The following TRMT13 variants were observed in gnomAD, a reference collection of about 807,000 sequenced individuals.
The protein encoded by TRMT13 is tRNA methyltransferase 13.
A neutral mutation model predicts 55.9 loss-of-function variants in TRMT13; 45 were observed. The ratio of observed to expected loss-of-function variants is 0.80; its 90% CI spans 0.63 to 1.03. TRMT13 has a LOEUF of 1.03. Ranked by LOEUF, TRMT13 falls within the 50% of genes least tolerant of loss-of-function variation. The pLI is 0.00. For synonymous variants in TRMT13, 183 were observed against 196.3 expected, an observed-to-expected ratio of 0.93 and a Z score of 0.57; for missense variants, 513 against 563.9, an observed-to-expected ratio of 0.91 and a Z score of 0.91.
At chr1:100,145,333 A>G (rs558335774) in intron 9 of TRMT13, among the ~76,000 whole-genome samples, 1 of 152,216 alleles carries the variant, frequency 6.6e-6, no homozygotes, top group Non-Finnish European at 1.5e-5. Context: ...AAAGTCTTCT[A>G]AAGTAAACCA....
chr1:100,141,478 C>T lies in TRMT13; in HGVS notation c.669+459C>T, dbSNP rs145631564. ...ATGAGTAGCTGGGACTATAGTCCCACGCCACCATGCCCAGGTAATTTTTTA... is the reference window on the plus strand; with the variant it reads ...ATGAGTAGCTGGGACTATAGTCCCATGCCACCATGCCCAGGTAATTTTTTA... On this transcript the variant is annotated intron_variant, in intron 7 of 10. Coordinates refer to ENST00000370141, the MANE Select transcript of TRMT13 (RefSeq NM_019083.3). Among the ~76,000 whole-genome samples the T allele has an allele frequency of 8.6e-3, 1,306 of 152,194 alleles. 12 individuals are homozygous for T. The highest frequency in any genetic ancestry group is 0.014 in the Non-Finnish European group (927 of 68,006).
In TRMT13 at chr1:100,136,195, A is replaced by G. The variant is rs145182642; in HGVS notation, c.148-687A>G. Among the ~76,000 whole-genome samples, 1,117 of 152,304 alleles carry G rather than the reference A, an allele frequency of 7.3e-3. 9 individuals carry two copies. The highest frequency in any genetic ancestry group is 0.026 in the African/African-American group (1,073 of 41,566). ...ATGTAACTGATAGTAAAAAGTTGCA[A>G]AGCCAGTAAAATATGGCACATCCAA... On this transcript the variant is annotated intron_variant, in intron 1 of 10. Transcript: ENST00000370141.
chr1:100,149,077 T>C lies in TRMT13; in HGVS notation c.*257T>C. The C allele has an allele frequency of 1.9e-6, 3 of 1,602,638 alleles. No individual in the cohort carries two copies. Among genetic ancestry groups the C allele is most frequent in the Non-Finnish European group, 2.6e-6 (3 of 1,176,232 alleles). ...GTATTTATGGAGATTGGTAAAGTAG[T>C]TGAACCGTTGACTTGGTGATCTGAA... On this transcript the variant is annotated 3_prime_UTR_variant, in exon 11 of 11. Transcript: ENST00000370141.
chr1:100,137,950 G>T (rs758730111), intron 3 of TRMT13, among the ~76,000 whole-genome samples: 7 of 152,170 alleles, frequency 4.6e-5, no homozygotes, highest in Non-Finnish European at 1.0e-4. Context: ...GGCTTTGTTT[G>T]CAAATATCTT....
rs1657707613 is a variant in TRMT13, at chr1:100,149,254, T to C, written c.*434T>C. 5 of 1,512,804 alleles carry C rather than the reference T, an allele frequency of 3.3e-6. No individual in the cohort carries two copies. 93.7% of individuals were successfully genotyped at this position (1,512,804 alleles called of 1,614,324 possible). A position where few individuals can be genotyped will look rare whatever the true frequency, so the allele number is the denominator to read the frequency against. ...CAAGGGCCAATCTGAGAATTTGACT[T>C]ATATGTGGACATTTTTCCCTACAGA... On this transcript the variant is annotated 3_prime_UTR_variant, in exon 11 of 11. Transcript: ENST00000370141.
In TRMT13 at chr1:100,140,401, G is replaced by T. The variant is rs777094627; in HGVS notation, c.395-7G>T. 4 of 1,608,934 alleles carry T rather than the reference G, an allele frequency of 2.5e-6. No homozygotes were observed. In the South Asian group the frequency reaches 4.4e-5, roughly 18 times the overall value. ...TGCTTAAGCTGTTGTGCTTATATTT[G>T]GCACAGGCTTGAATTCTACACTTAA... is the stretch of plus-strand genomic sequence containing the variant. On this transcript the variant is annotated splice_polypyrimidine_tract_variant and splice_region_variant and intron_variant, in intron 5 of 10. Coordinates refer to ENST00000370141, the MANE Select transcript of TRMT13 (RefSeq NM_019083.3).
chr1:100,148,243 G>C lies in TRMT13; in HGVS notation c.1167G>C (p.Arg389Ser), dbSNP rs1366550598. ...SLETSNSTTKRQDNQNDDSEE... is the reference protein window; with the variant it reads ...SLETSNSTTKSQDNQNDDSEE... ...AAACCTCAAATAGTACCACAAAGAG[G>C]CAAGATAATCAGAATGATGATAGTG... The change falls in exon 10 of 11, where the codon AGG becomes AGC. Residue 389 changes from arginine (R) to serine (S), a missense_variant. Around this residue, in one of 3 missense-constraint regions of TRMT13, gnomAD observed 209 missense variants for 255.8 expected, o/e 0.82. Transcript: ENST00000370141. 1 of 1,614,158 alleles carries C rather than the reference G, an allele frequency of 6.2e-7. No individual in the cohort carries two copies. The highest frequency in any genetic ancestry group is 1.3e-5 in the African/African-American group (1 of 75,042).
In TRMT13 at chr1:100,148,605, T is replaced by C. The variant is rs1258621274; in HGVS notation, c.1251-20T>C. 6.3e-7 allele frequency: 1 copy of C among 1,585,276 alleles called. No homozygotes were observed. Among genetic ancestry groups the C allele is most frequent in the Non-Finnish European group, 8.5e-7 (1 of 1,170,552 alleles). On this transcript the variant is annotated intron_variant, in intron 10 of 10. Transcript: ENST00000370141. The stretch of plus-strand genomic sequence containing the variant: ...TTTGCAAAATTTTAACAATGTTTTG[T>C]GTGTGTTTATTCAATTTAGGCTTCT...
rs765558656 is a variant in TRMT13, at chr1:100,144,162, A to G, written c.817+19A>G. 142 of 1,595,290 alleles carry G rather than the reference A, an allele frequency of 8.9e-5. 3 individuals are homozygous for G. The South Asian group carries it at 1.5e-3, about 17-fold the overall frequency. On this transcript the variant is annotated intron_variant, in intron 9 of 10. Transcript: ENST00000370141. ...GCAACAGGTACGTAAACATACTGATAATGTTTACATTAATGCATTAAGTTT... is the reference window on the plus strand; with the variant it reads ...GCAACAGGTACGTAAACATACTGATGATGTTTACATTAATGCATTAAGTTT...
Position 100,148,634 on chromosome 1 carries a change from T to C in TRMT13, c.1260T>C (p.Ser420=). Residue 420 remains serine, a synonymous_variant, in exon 11 of 11, where the codon AGT becomes AGC. Coordinates refer to ENST00000370141, the MANE Select transcript of TRMT13 (RefSeq NM_019083.3). ...TGTTTATTCAATTTAGGCTTCTTAGTGTTGAAGAAAAGAAGAAAATAGGGC... is the reference window on the plus strand; with the variant it reads ...TGTTTATTCAATTTAGGCTTCTTAGCGTTGAAGAAAAGAAGAAAATAGGGC... The part of the protein sequence containing the change: ...DGADCLPGLL[S]VEEKKKIGHL... The C allele has an allele frequency of 6.2e-7, 1 of 1,606,836 alleles. No homozygotes were observed. Among genetic ancestry groups the C allele is most frequent in the Non-Finnish European group, 8.5e-7 (1 of 1,178,120 alleles).
At chr1:100,134,939 G>A (rs1655611461) in intron 1 of TRMT13, among the ~76,000 whole-genome samples, 1 of 152,124 alleles carries the variant, frequency 6.6e-6, no homozygotes, top group Non-Finnish European at 1.5e-5. Context: ...TGGATGTTGT[G>A]TTTCCATCTT....
chr1:100,147,937 TG>T lies in TRMT13; in HGVS notation c.862del (p.Glu288ArgfsTer8). ...TGGTTGAAACCTATGCTGCCAGTTTTGAGGAAAGGAATGAAGAACCTTTAGC... is the reference window on the plus strand; with the variant it reads ...TGGTTGAAACCTATGCTGCCAGTTTTAGGAAAGGAATGAAGAACCTTTAGC... ...CLVETYAASFEERNEEPLAKR... is the reference protein window; with the variant it reads ...CLVETYAASFXERNEEPLAKR... On this transcript the variant is annotated frameshift_variant, in exon 10 of 11. Transcript: ENST00000370141. LOFTEE classifies it high-confidence loss of function. 1 of 1,611,860 alleles carries T rather than the reference TG, an allele frequency of 6.2e-7. No homozygotes were observed. The highest frequency in any genetic ancestry group is 8.5e-7 in the Non-Finnish European group (1 of 1,179,160).
Position 100,143,290 on chromosome 1 carries a change from G to A in TRMT13, c.742+81G>A. ...TGAGGTTGCTTAGAAATCCAATCATGCAGAACTGTGCTTCAGGGAAAACAG... is the reference window on the plus strand; with the variant it reads ...TGAGGTTGCTTAGAAATCCAATCATACAGAACTGTGCTTCAGGGAAAACAG... On this transcript the variant is annotated intron_variant, in intron 8 of 10. Transcript: ENST00000370141. The A allele has an allele frequency of 6.4e-6, 5 of 775,900 alleles. No homozygotes were observed. In the South Asian group the frequency reaches 9.2e-5, roughly 14 times the overall value. 48.1% of individuals were successfully genotyped at this position (775,900 alleles called of 1,614,324 possible).
intron 4 of TRMT13, 26 bp from the exon 5 acceptor site, chr1:100,140,156 T>C: frequency 6.5e-7 from 1 of 1,544,964 alleles, no homozygotes; most frequent in Non-Finnish European, 8.9e-7. Context: ...TTTGGCTACA[T>C]TATTTAGTTT....
intron 3 of TRMT13, among the ~76,000 whole-genome samples, chr1:100,138,805 T>C (rs1298757808): frequency 2.0e-5 from 3 of 152,242 alleles, no homozygotes; most frequent in Non-Finnish European, 4.4e-5. Flanking sequence ...AGTTTCTCAG[T>C]CACACTAGTC....
At chr1:100,138,631 A>G (rs1434053699) in intron 3 of TRMT13, among the ~76,000 whole-genome samples, 1 of 152,238 alleles carries the variant, frequency 6.6e-6, no homozygotes, top group Non-Finnish European at 1.5e-5. Flanking sequence ...AAGTCCATTT[A>G]CTACACATAA....
intron 9 of TRMT13, among the ~76,000 whole-genome samples, chr1:100,147,360 G>A (rs1352944034): frequency 6.6e-6 from 1 of 152,176 alleles, no homozygotes; most frequent in African/African-American, 2.4e-5. Context: ...TACTCAGTGA[G>A]GCCTGCTTTC....
chr1:100,137,931 G>C (rs1342602946), intron 3 of TRMT13, among the ~76,000 whole-genome samples: 7 of 152,204 alleles, frequency 4.6e-5, no homozygotes, highest in Admixed American at 4.6e-4. Flanking sequence ...AATAGAAAGA[G>C]AGAACATTGG....
intron 3 of TRMT13, among the ~76,000 whole-genome samples, chr1:100,139,159 T>C (rs684519): frequency 1.3e-5 from 2 of 152,096 alleles, no homozygotes; most frequent in East Asian, 1.9e-4. Context: ...TTAATTAATA[T>C]TTTAAAATAG....
Sources: allele counts gnomAD v4.1 joint callset (sites outside exome capture counted in the v4.1 genomes callset), GRCh38; gene constraint gnomAD v4.1.1; regional missense constraint gnomAD v4.1.1; transcripts MANE v1.5; gene names NCBI Gene and HGNC (gene_info 2026-07-23, HGNC 2026-07-21).